Variants in RABGAP1L observed in about 807,000 individuals in gnomAD.
The protein encoded by RABGAP1L is rab GTPase-activating protein 1-like.
A neutral mutation model predicts 137.7 loss-of-function variants in RABGAP1L; 63 were observed. The observed-to-expected ratio is 0.46, with a 90% confidence interval of 0.37 to 0.56. RABGAP1L has a LOEUF of 0.56. RABGAP1L is among the 20% of genes least tolerant of loss of function. The pLI is 0.00. For missense variants in RABGAP1L, 1,095 were observed against 1,244.0 expected (o/e 0.88, Z 1.80); for synonymous variants, 431 against 433.7 (o/e 0.99, Z 0.08).
chr1:174,876,128 A>G (rs918099589), intron 19 of RABGAP1L, among the ~76,000 whole-genome samples: 1 of 152,190 alleles, frequency 6.6e-6, no homozygotes, highest in Admixed American at 6.5e-5. Flanking sequence ...GATGAAAAAA[A>G]TACTTTTGGA....
At chr1:174,766,186 A>C (rs1382529262) in intron 18 of RABGAP1L, among the ~76,000 whole-genome samples, 1 of 152,194 alleles carries the variant, frequency 6.6e-6, no homozygotes, top group Non-Finnish European at 1.5e-5. Flanking sequence ...CCCTGCTGAC[A>C]CCTTGATCTT....
At chr1:174,617,793 C>T (rs565428901) in intron 13 of RABGAP1L, among the ~76,000 whole-genome samples, 11 of 152,262 alleles carry the variant, frequency 7.2e-5, no homozygotes, top group Non-Finnish European at 1.0e-4. Flanking sequence ...CCAGCGTGAG[C>T]GACGCAGAAG....
rs1672486903 is a variant in RABGAP1L, at chr1:174,621,695, A to G, written c.1711-15680A>G. ...ATCCCTTCCTTACACCTTATACAAA[A>G]ATTAATTCAAGATGGATTAAAGACT... On this transcript the variant is annotated intron_variant, in intron 13 of 25. Transcript: ENST00000681986. Among the ~76,000 whole-genome samples, 3 of 152,294 alleles carry G rather than the reference A, an allele frequency of 2.0e-5. No homozygotes were observed. The South Asian group carries it at 6.2e-4, about 32-fold the overall frequency.
intron 13 of RABGAP1L, among the ~76,000 whole-genome samples, chr1:174,614,050 C>T (rs1369759356): frequency 5.9e-5 from 9 of 152,152 alleles, no homozygotes. Context: ...GCATTTATTC[C>T]ATTTACATGT....
chr1:174,227,611 T>C (rs1288101792), intron 3 of RABGAP1L, among the ~76,000 whole-genome samples: 3 of 152,156 alleles, frequency 2.0e-5, no homozygotes, highest in Non-Finnish European at 4.4e-5. Context: ...TTTCCTGCCT[T>C]TAGATTATTT....
At chr1:174,360,247 A>ATT (rs5778800) in intron 11 of RABGAP1L, among the ~76,000 whole-genome samples, 37 of 151,562 alleles carry the variant, frequency 2.4e-4, no homozygotes, top group African/African-American at 8.5e-4. Flanking sequence ...AAAAGTTAAA[A>ATT]TTTTTTTTTG....
In RABGAP1L at chr1:174,478,698, T is replaced by G. The variant is rs530876930; in HGVS notation, c.1710+84553T>G. On this transcript the variant is annotated intron_variant, in intron 13 of 25. Coordinates refer to ENST00000681986, the MANE Select transcript of RABGAP1L (RefSeq NM_001366446.1). Reference sequence around the variant, plus strand: ...TGAATGTGTTGAATTTATAAATGAATAAGTTCTTTGTTATTATTTATATCT... The same window carrying G: ...TGAATGTGTTGAATTTATAAATGAAGAAGTTCTTTGTTATTATTTATATCT... Among the ~76,000 whole-genome samples, 34 of 152,340 alleles carry G rather than the reference T, an allele frequency of 2.2e-4. 1 individual carries two copies. The South Asian group carries it at 7.0e-3, about 32-fold the overall frequency.
At position 174,719,128 on chromosome 1, in the gene RABGAP1L, C is replaced by T. The variant is rs61556363; in HGVS notation, c.2169+16872C>T. 6.0e-3 allele frequency among the ~76,000 whole-genome samples: 920 copies of T among 152,110 alleles called. 12 individuals are homozygous for T. The highest frequency in any genetic ancestry group is 0.021 in the South Asian group (100 of 4,814). ...TGCTGGGATTACAGGCGTGAGCCACCGCACCCGGCCTATAGTATGGTAGGT... is the reference window on the plus strand; with the variant it reads ...TGCTGGGATTACAGGCGTGAGCCACTGCACCCGGCCTATAGTATGGTAGGT... On this transcript the variant is annotated intron_variant, in intron 17 of 25. Coordinates refer to ENST00000681986, the MANE Select transcript of RABGAP1L (RefSeq NM_001366446.1).
intron 18 of RABGAP1L, among the ~76,000 whole-genome samples, chr1:174,775,575 A>C (rs556637930): frequency 1.3e-5 from 2 of 152,242 alleles, no homozygotes; most frequent in East Asian, 3.9e-4. Context: ...GGCCTCCTAA[A>C]GTGCTGGGAT....
intron 11 of RABGAP1L, among the ~76,000 whole-genome samples, chr1:174,314,404 T>G (rs1489423613): frequency 6.6e-6 from 1 of 152,196 alleles, no homozygotes; most frequent in African/African-American, 2.4e-5. Context: ...TTTGCTTTTT[T>G]TCTTAGTCTG....
At position 174,505,940 on chromosome 1, in the gene RABGAP1L, ATAATGGAATACCATCCAGCCTT is replaced by A. The variant is rs533010336; in HGVS notation, c.1710+111799_1710+111820del. On this transcript the variant is annotated intron_variant, in intron 13 of 25. Transcript: ENST00000681986. ...GAATGGAAAAAGAAAATGTGAATAC[ATAATGGAATACCATCCAGCCTT>A]TAAAAAGTTAGAAATTCTGTCATAT... is the stretch of plus-strand genomic sequence containing the variant. Among the ~76,000 whole-genome samples the A allele has an allele frequency of 2.6e-5, 4 of 152,368 alleles. No homozygotes were observed. In the East Asian group the frequency reaches 7.7e-4, roughly 29 times the overall value.
At chr1:174,738,239 G>T (rs1683112244) in intron 17 of RABGAP1L, among the ~76,000 whole-genome samples, 1 of 152,122 alleles carries the variant, frequency 6.6e-6, no homozygotes, top group Admixed American at 6.5e-5. Context: ...ATCCCAGTTA[G>T]AGAAATAGGA....
intron 14 of RABGAP1L, among the ~76,000 whole-genome samples, chr1:174,649,216 G>C (rs1010144693): frequency 6.6e-6 from 1 of 152,042 alleles, no homozygotes; most frequent in Non-Finnish European, 1.5e-5. Flanking sequence ...GGTTAATATT[G>C]TTACGTGTGA....
At chr1:174,945,121 T>A (rs1298282107) in intron 19 of RABGAP1L, among the ~76,000 whole-genome samples, 1 of 152,354 alleles carries the variant, frequency 6.6e-6, no homozygotes, top group Non-Finnish European at 1.5e-5. Flanking sequence ...TCAAATAGTT[T>A]AATTAACTCA....
At chr1:174,914,009 G>A (rs573908815) in intron 19 of RABGAP1L, among the ~76,000 whole-genome samples, 4 of 152,274 alleles carry the variant, frequency 2.6e-5, no homozygotes, top group African/African-American at 9.6e-5. Context: ...ACTAACAGAA[G>A]TTGTTGCATA....
At chr1:174,717,146 A>T (rs1395745831) in intron 17 of RABGAP1L, among the ~76,000 whole-genome samples, 1 of 152,186 alleles carries the variant, frequency 6.6e-6, no homozygotes, top group Non-Finnish European at 1.5e-5. Flanking sequence ...GCAGTGGCTC[A>T]GGCCTGTAAT....
In RABGAP1L at chr1:174,187,678, A is replaced by G. The variant is rs553442805; in HGVS notation, c.-34+28021A>G. 2.2e-3 allele frequency among the ~76,000 whole-genome samples: 329 copies of G among 152,292 alleles called. 1 individual carries two copies. The highest frequency in any genetic ancestry group is 7.1e-3 in the African/African-American group (297 of 41,570). ...GGACCCTTTTTAAAACATGGGGGCAATGTTGCTTATCTTTTTAAAAATAGT... is the reference window on the plus strand; with the variant it reads ...GGACCCTTTTTAAAACATGGGGGCAGTGTTGCTTATCTTTTTAAAAATAGT... On this transcript the variant is annotated intron_variant, in intron 1 of 25. Transcript: ENST00000681986.
intron 13 of RABGAP1L, among the ~76,000 whole-genome samples, chr1:174,597,358 A>T (rs1670030974): frequency 6.6e-6 from 1 of 152,106 alleles, no homozygotes. Flanking sequence ...ACTTTTCTTG[A>T]TAGGAGACTT....
At position 174,221,016 on chromosome 1, in the gene RABGAP1L, G is replaced by T. The variant is rs1380315695; in HGVS notation, c.183G>T (p.Glu61Asp). 6.2e-7 allele frequency: 1 copy of T among 1,613,650 alleles called. No homozygotes were observed. Among genetic ancestry groups the T allele is most frequent in the East Asian group, 2.2e-5 (1 of 44,820 alleles). ...GDEQLEKAME[E>D]ILRDSEKRPS... ...AACAATTGGAAAAAGCCATGGAAGA[G>T]ATTTTGAGAGATTCCGAGAAAAGGC... The change falls in exon 3 of 26, where the codon GAG (glutamate) becomes GAT (aspartate). Residue 61 changes from glutamate (E) to aspartate (D), a missense_variant. Around this residue, in one of 4 missense-constraint regions of RABGAP1L, gnomAD observed 356 missense variants for 326.3 expected, o/e 1.09. Coordinates refer to ENST00000681986, the MANE Select transcript of RABGAP1L (RefSeq NM_001366446.1).
Sources: allele counts gnomAD v4.1 joint callset (sites outside exome capture counted in the v4.1 genomes callset), GRCh38; gene constraint gnomAD v4.1.1; regional missense constraint gnomAD v4.1.1; transcripts MANE v1.5; gene names NCBI Gene and HGNC (gene_info 2026-07-23, HGNC 2026-07-21).